The following SYBU variants were observed in gnomAD, a reference collection of about 807,000 sequenced individuals.
SYBU encodes syntabulin.
Under a neutral mutation model 35.9 loss-of-function variants are expected in SYBU, and 21 were observed. The observed-to-expected ratio is 0.58, with a 90% CI of 0.41 to 0.84. The LOEUF (loss-of-function observed/expected upper bound fraction) is 0.84. SYBU is among the 40% of genes least tolerant of loss of function. SYBU has a pLI of 0.00. For synonymous variants in SYBU, 319 were observed against 324.3 expected (o/e 0.98, Z 0.18); for missense variants, 768 against 848.2 (o/e 0.91, Z 1.17).
chr8:109,650,614 C>A (rs1020125389), intron 1 of SYBU, among the ~76,000 whole-genome samples: 1 of 152,262 alleles, frequency 6.6e-6, no homozygotes, highest in Admixed American at 6.5e-5. Flanking sequence ...GTCCTTTATA[C>A]CTGAAATCTT....
chr8:109,658,764 A>T (rs1056026484), intron 1 of SYBU, among the ~76,000 whole-genome samples: 1 of 152,128 alleles, frequency 6.6e-6, no homozygotes, highest in African/African-American at 2.4e-5. Flanking sequence ...GACTAGCTTG[A>T]CCAACAGGGT....
intron 3 of SYBU, among the ~76,000 whole-genome samples, chr8:109,592,235 A>G (rs893299846): frequency 5.9e-5 from 9 of 152,192 alleles, no homozygotes; most frequent in Non-Finnish European, 1.0e-4. Flanking sequence ...ACATTTTTAT[A>G]ATTACTCTTT....
At position 109,644,286 on chromosome 8, in the gene SYBU, C is replaced by T. The variant is rs540961387; in HGVS notation, c.24+350G>A. 5.8e-6 allele frequency: 3 copies of T among 518,638 alleles called. No individual in the cohort carries two copies. The Admixed American group carries it at 6.9e-5, about 12-fold the overall frequency. The allele number at this position is 518,638 out of a possible 1,614,324, so 32.1% of individuals were successfully genotyped here. On this transcript the variant is annotated intron_variant, in intron 1 of 6. Transcript: ENST00000276646. ...CCCTGAGCTAAGGCAGGGTCACTGA[C>T]ACGCGGGAGTCCTCTTTTCCCAGTC...
At chr8:109,647,105 C>T (rs1423245757), upstream of SYBU, 2 of 152,190 alleles carry the variant, frequency 1.3e-5, no homozygotes, top group African/African-American at 2.4e-5. Context: ...GATTGTCCTC[C>T]AGGTAATACT....
At chr8:109,585,150 C>T (rs1823467978) in intron 4 of SYBU, among the ~76,000 whole-genome samples, 1 of 152,176 alleles carries the variant, frequency 6.6e-6, no homozygotes, top group Non-Finnish European at 1.5e-5. Context: ...TTTGTTTCCT[C>T]ATAGTAGATG....
rs888801244 is a variant in SYBU, at chr8:109,638,241, T to C, written c.229+4487A>G. ...ATTGCCTCAACTAAGCAAAGAGGAATGCACGGCATGCTGCTAACCATGTCA... is the reference window on the plus strand; with the variant it reads ...ATTGCCTCAACTAAGCAAAGAGGAACGCACGGCATGCTGCTAACCATGTCA... On this transcript the variant is annotated intron_variant, in intron 2 of 6. Transcript: ENST00000276646. Among the ~76,000 whole-genome samples the C allele has an allele frequency of 6.6e-5, 10 of 152,194 alleles. No individual in the cohort carries two copies. The East Asian group carries it at 1.9e-3, about 29-fold the overall frequency.
chr8:109,648,414 T>C (rs1815937416), upstream of SYBU, among the ~76,000 whole-genome samples: 1 of 151,750 alleles, frequency 6.6e-6, no homozygotes, highest in East Asian at 1.9e-4. Context: ...TGTAATTAAA[T>C]GATTCCTACC....
intron 3 of SYBU, among the ~76,000 whole-genome samples, chr8:109,598,963 C>T (rs933714054): frequency 6.6e-6 from 1 of 152,160 alleles, no homozygotes; most frequent in African/African-American, 2.4e-5. Context: ...TGAAACATCA[C>T]AATAAGATTC....
intron 1 of SYBU, chr8:109,680,174 A>T (rs966398427): frequency 1.3e-5 from 2 of 152,250 alleles, no homozygotes; most frequent in Non-Finnish European, 2.9e-5. Context: ...GATCAAGAGC[A>T]TTAATTTTCA....
At chr8:109,631,296 A>C (rs1408041458) in intron 2 of SYBU, among the ~76,000 whole-genome samples, 3 of 152,226 alleles carry the variant, frequency 2.0e-5, no homozygotes, top group Non-Finnish European at 4.4e-5. Flanking sequence ...AACACCTCAC[A>C]CTAAGACATG....
chr8:109,583,453 T>G (rs1450017718), intron 4 of SYBU, among the ~76,000 whole-genome samples: 1 of 152,218 alleles, frequency 6.6e-6, no homozygotes, highest in Non-Finnish European at 1.5e-5. Flanking sequence ...GAGTTGCCCT[T>G]CTATGAGACA....
chr8:109,642,315 G>A (rs960388522), intron 2 of SYBU, among the ~76,000 whole-genome samples: 17 of 152,140 alleles, frequency 1.1e-4, no homozygotes, highest in African/African-American at 4.1e-4. Flanking sequence ...GGCTAGGAGA[G>A]GGATAGCATT....
chr8:109,652,924 G>A (rs772749971), intron 1 of SYBU, among the ~76,000 whole-genome samples: 8 of 152,108 alleles, frequency 5.3e-5, no homozygotes, highest in East Asian at 3.8e-4. Flanking sequence ...AAATACATGC[G>A]TGGTTCTACT....
intron 1 of SYBU, among the ~76,000 whole-genome samples, chr8:109,651,785 C>T (rs1284743684): frequency 1.3e-5 from 2 of 152,124 alleles, no homozygotes; most frequent in East Asian, 3.9e-4. Context: ...ATTGCTGTGT[C>T]TTGCTTGCTT....
intron 2 of SYBU, among the ~76,000 whole-genome samples, chr8:109,630,560 T>A (rs1328133307): frequency 1.3e-5 from 2 of 152,100 alleles, no homozygotes; most frequent in Non-Finnish European, 2.9e-5. Context: ...ATATTTGAGA[T>A]AAATTTGGAA....
chr8:109,666,902 T>A (rs370098752), intron 1 of SYBU, among the ~76,000 whole-genome samples: 11 of 152,186 alleles, frequency 7.2e-5, no homozygotes, highest in Admixed American at 6.5e-4. Flanking sequence ...TTCTCTTGTA[T>A]CCCACCTTCT....
At position 109,575,594 on chromosome 8, in the gene SYBU, A is replaced by G. The variant is rs1379179167; in HGVS notation, c.1304T>C (p.Ile435Thr). The G allele has an allele frequency of 1.9e-6, 3 of 1,614,060 alleles. No homozygotes were observed. Among genetic ancestry groups the G allele is most frequent in the Non-Finnish European group, 1.7e-6 (2 of 1,180,004 alleles). ...ATCGAACAAATCTGTGCTGTTGGCT[A>G]TGCTATCTCCTACCAGTAGCTCCCT... ...ADRELLVGDS[I>T]ANSTDLFDEI... The change falls in exon 7 of 7, where the codon ATA becomes ACA. Residue 435 changes from isoleucine (I) to threonine (T), a missense_variant. By Grantham distance (89) the Ile-to-Thr change is moderately conservative. Coordinates refer to ENST00000276646, the MANE Select transcript of SYBU (RefSeq NM_001099754.2).
At chr8:109,628,660 C>T (rs887848398) in intron 2 of SYBU, among the ~76,000 whole-genome samples, 1 of 151,860 alleles carries the variant, frequency 6.6e-6, no homozygotes, top group Non-Finnish European at 1.5e-5. Context: ...CTCATATCTA[C>T]AAAAAGATTT....
chr8:109,652,581 T>C (rs1447418044), intron 1 of SYBU, among the ~76,000 whole-genome samples: 1 of 152,192 alleles, frequency 6.6e-6, no homozygotes, highest in African/African-American at 2.4e-5. Context: ...TTTTGTTAAT[T>C]AGCAATAGTT....
Sources: allele counts gnomAD v4.1 joint callset (sites outside exome capture counted in the v4.1 genomes callset), GRCh38; gene constraint gnomAD v4.1.1; transcripts MANE v1.5; gene names NCBI Gene and HGNC (gene_info 2026-07-23, HGNC 2026-07-21).